Variants in PPARGC1A observed in about 807,000 individuals in gnomAD.
The protein encoded by PPARGC1A is PPARG coactivator 1 alpha, also known as peroxisome proliferator-activated receptor gamma coactivator 1-alpha.
In PPARGC1A, 25 loss-of-function variants were observed where a neutral mutation model predicts 88.7. That is an observed-to-expected ratio of 0.28 (90% CI 0.21 to 0.39). The LOEUF (loss-of-function observed/expected upper bound fraction) is 0.39, where lower values mean the gene tolerates loss of function less well. PPARGC1A is among the 10% of genes least tolerant of loss of function. The probability of loss-of-function intolerance (pLI) is 1.00; values close to 1 mark genes in which losing one functional copy is unlikely to be tolerated. For synonymous variants in PPARGC1A, 363 were observed against 355.6 expected (o/e 1.02, Z -0.24); for missense variants, 880 against 968.7 (o/e 0.91, Z 1.22).
chr4:24,219,276 G>A, the PPARGC1A span, among the ~76,000 whole-genome samples: 32 of 152,210 alleles, frequency 2.1e-4, no homozygotes, highest in Admixed American at 5.9e-4. Flanking sequence ...GGCCAGCAGC[G>A]TGCTTTGAAC....
the PPARGC1A span, among the ~76,000 whole-genome samples, chr4:24,356,301 T>C: frequency 6.6e-6 from 1 of 152,164 alleles, no homozygotes; most frequent in Non-Finnish European, 1.5e-5. Flanking sequence ...CAGTCAATAT[T>C]TTCATAGACA....
At chr4:23,999,259 G>A in the PPARGC1A span, among the ~76,000 whole-genome samples, 1 of 152,184 alleles carries the variant, frequency 6.6e-6, no homozygotes, top group Admixed American at 6.5e-5. Flanking sequence ...AGCATTGTCT[G>A]TTTGCTACCA....
chr4:24,232,764 C>G, the PPARGC1A span, among the ~76,000 whole-genome samples: 2 of 152,196 alleles, frequency 1.3e-5, no homozygotes, highest in Non-Finnish European at 2.9e-5. Context: ...AAACAAAAGC[C>G]TCACCACAAG....
chr4:24,457,042 C>T, the PPARGC1A span, among the ~76,000 whole-genome samples: 4 of 152,170 alleles, frequency 2.6e-5, no homozygotes, highest in African/African-American at 9.6e-5. Context: ...AACAGGGATA[C>T]AATAAGACAG....
At chr4:24,073,999 C>T in the PPARGC1A span, among the ~76,000 whole-genome samples, 21 of 152,204 alleles carry the variant, frequency 1.4e-4, no homozygotes, top group East Asian at 3.9e-3. Context: ...GCCCAGTGTT[C>T]CTCCCCTTCC....
At chr4:24,122,625 T>C in the PPARGC1A span, among the ~76,000 whole-genome samples, 1 of 152,118 alleles carries the variant, frequency 6.6e-6, no homozygotes, top group African/African-American at 2.4e-5. Flanking sequence ...CCCTGCTCTC[T>C]GAGCAACTCA....
At chr4:24,283,098 C>T in the PPARGC1A span, among the ~76,000 whole-genome samples, 1 of 152,150 alleles carries the variant, frequency 6.6e-6, no homozygotes, top group Non-Finnish European at 1.5e-5. Flanking sequence ...AGATATATGA[C>T]TGATTCCTCT....
At chr4:24,012,777 T>C in the PPARGC1A span, among the ~76,000 whole-genome samples, 1 of 152,202 alleles carries the variant, frequency 6.6e-6, no homozygotes, top group Non-Finnish European at 1.5e-5. Flanking sequence ...GATATATTTT[T>C]GTATATTTTT....
At chr4:24,231,869 C>A in the PPARGC1A span, among the ~76,000 whole-genome samples, 2 of 151,840 alleles carry the variant, frequency 1.3e-5, no homozygotes, top group East Asian at 3.9e-4. Flanking sequence ...TAGATAGTAA[C>A]CTATTTATTT....
intron 7 of PPARGC1A, among the ~76,000 whole-genome samples, chr4:23,815,477 C>A (rs1560358575): frequency 6.6e-6 from 1 of 152,030 alleles, no homozygotes; most frequent in Non-Finnish European, 1.5e-5. Context: ...TGAAACTCAG[C>A]CAAGCTTCAG....
At chr4:24,438,377 A>C in the PPARGC1A span, among the ~76,000 whole-genome samples, 1 of 152,212 alleles carries the variant, frequency 6.6e-6, no homozygotes, top group Non-Finnish European at 1.5e-5. Context: ...ACTAGAGAAG[A>C]GAATACATTT....
chr4:24,308,062 C>T, the PPARGC1A span, among the ~76,000 whole-genome samples: 12 of 152,150 alleles, frequency 7.9e-5, no homozygotes, highest in East Asian at 1.7e-3. Flanking sequence ...GAGGCCAAGG[C>T]GTGTGGGTCA....
chr4:24,273,875 C>T, the PPARGC1A span, among the ~76,000 whole-genome samples: 1 of 151,634 alleles, frequency 6.6e-6, no homozygotes, highest in Non-Finnish European at 1.5e-5. Context: ...GGATTACAGG[C>T]ACCCGCCACC....
chr4:24,338,561 C>G, the PPARGC1A span, among the ~76,000 whole-genome samples: 1 of 152,168 alleles, frequency 6.6e-6, no homozygotes, highest in Non-Finnish European at 1.5e-5. Context: ...ACAAACAAAT[C>G]AAAATTCATT....
At chr4:23,838,211 C>T (rs6839966) in intron 2 of PPARGC1A, among the ~76,000 whole-genome samples, 12,022 of 151,978 alleles carry the variant, frequency 0.079, 571 homozygotes, top group East Asian at 0.19. Flanking sequence ...TTTCCCTCTT[C>T]GTTATCTTTC....
At chr4:23,863,004 T>C (rs1731514607) in intron 2 of PPARGC1A, among the ~76,000 whole-genome samples, 1 of 152,102 alleles carries the variant, frequency 6.6e-6, no homozygotes, top group Non-Finnish European at 1.5e-5. Context: ...AAACATGTCC[T>C]CTTCTCATTC....
chr4:23,959,210 T>C, the PPARGC1A span, among the ~76,000 whole-genome samples: 1 of 152,016 alleles, frequency 6.6e-6, no homozygotes, highest in Non-Finnish European at 1.5e-5. Flanking sequence ...TGCTCCTCAA[T>C]GGAGTCAACA....
At chr4:24,114,072 C>T in the PPARGC1A span, among the ~76,000 whole-genome samples, 12 of 140,018 alleles carry the variant, frequency 8.6e-5, no homozygotes, top group Non-Finnish European at 1.5e-4. Context: ...CGCAGTGAGC[C>T]GAGATCGTGC....
chr4:23,875,844 G>A (rs902648929), intron 2 of PPARGC1A: 5 of 152,094 alleles, frequency 3.3e-5, no homozygotes, highest in African/African-American at 9.7e-5. Context: ...TAGATTTATT[G>A]CTATGCTGCC....
Sources: allele counts gnomAD v4.1 joint callset (sites outside exome capture counted in the v4.1 genomes callset), GRCh38; gene constraint gnomAD v4.1.1; transcripts MANE v1.5; gene names NCBI Gene and HGNC (gene_info 2026-07-23, HGNC 2026-07-21).